The following SWI5 variants were observed in gnomAD, a reference collection of about 807,000 sequenced individuals.
The protein encoded by SWI5 is DNA repair protein SWI5 homolog.
SWI5 carries 12 observed loss-of-function variants against 17.0 expected under a neutral mutation model. That is an observed-to-expected ratio of 0.71 (90% confidence interval 0.45 to 1.14). The LOEUF is 1.14. SWI5 is among the 50% of genes most tolerant of loss of function. The probability of loss-of-function intolerance (pLI) is 0.00; values close to 1 mark genes in which losing one functional copy is unlikely to be tolerated. For synonymous variants in SWI5, 61 were observed against 64.0 expected, an observed-to-expected ratio of 0.95 and a Z score of 0.22; for missense variants, 158 against 162.2, an observed-to-expected ratio of 0.97 and a Z score of 0.14.
rs530533013 is a variant in SWI5 at position 128,280,718 on chromosome 9, C to T, written c.112-3792C>T. On this transcript the variant is annotated intron_variant, in intron 2 of 4. Coordinates refer to ENST00000418976, the Ensembl canonical transcript of SWI5. The stretch of plus-strand genomic sequence containing the variant: ...ATTTTTAGTAGAGACGGGGTTTCAC[C>T]ATGTTACCCAGGATGGTCTTGATCT... Among the ~76,000 whole-genome samples, 4 of 152,130 alleles carry T rather than the reference C, an allele frequency of 2.6e-5. No homozygotes were observed. The South Asian group carries it at 8.3e-4, about 32-fold the overall frequency.
intron 2 of SWI5, among the ~76,000 whole-genome samples, chr9:128,284,060 G>A (rs1179626147): frequency 6.6e-6 from 1 of 151,966 alleles, no homozygotes; most frequent in Non-Finnish European, 1.5e-5. Context: ...CACTTTGGGA[G>A]ACCGAGGTGG....
At chr9:128,278,442 C>G (rs981844348) in intron 2 of SWI5, among the ~76,000 whole-genome samples, 4 of 152,012 alleles carry the variant, frequency 2.6e-5, no homozygotes, top group African/African-American at 9.7e-5. Context: ...TGGTACATGC[C>G]TGTAATCCCA....
At chr9:128,287,398 A>G (rs926855795) in intron 4 of SWI5, among the ~76,000 whole-genome samples, 3 of 149,818 alleles carry the variant, frequency 2.0e-5, no homozygotes, top group African/African-American at 7.3e-5. Context: ...GGTTACGGTG[A>G]GCCGAGATCA....
chr9:128,275,453 C>A, upstream of SWI5: 4 of 1,298,068 alleles, frequency 3.1e-6, no homozygotes, highest in Non-Finnish European at 3.9e-6. Context: ...CTTGGAGACC[C>A]GAGACCAAAG....
intron 3 of SWI5, among the ~76,000 whole-genome samples, chr9:128,284,847 T>A (rs1831608269): frequency 6.6e-6 from 1 of 151,320 alleles, no homozygotes; most frequent in Non-Finnish European, 1.5e-5. Context: ...TCCCAGCTAC[T>A]TGGGAGGCTG....
chr9:128,276,060 G>A (rs1588498082), upstream of SWI5: 3 of 1,577,800 alleles, frequency 1.9e-6, no homozygotes, highest in East Asian at 2.3e-5. Context: ...TAACCAGGGC[G>A]ATACTGGAGC....
At position 128,276,360 on chromosome 9, in the gene SWI5, T is replaced by C. The variant is rs1041343182; in HGVS notation, c.20T>C (p.Leu7Ser). The C allele has an allele frequency of 1.9e-6, 3 of 1,613,282 alleles. No individual in the cohort carries two copies. In the South Asian group the frequency reaches 3.3e-5, roughly 18 times the overall value. Reference sequence around the variant, plus strand: ...CCCGCGCTGGACCCTCTTGCGCCATTGAACCCCCTGATCCGGGGGCCTCGG... The same window carrying C: ...CCCGCGCTGGACCCTCTTGCGCCATCGAACCCCCTGATCCGGGGGCCTCGG... Residue 7 changes from leucine to serine, a missense_variant, in exon 1 of 5, where the codon TTG (leucine) becomes TCG (serine). Physicochemically the swap from Leu to Ser is moderately radical, Grantham distance 145 (BLOSUM62 -2). Coordinates refer to ENST00000418976, the Ensembl canonical transcript of SWI5.
intron 2 of SWI5, among the ~76,000 whole-genome samples, chr9:128,282,634 G>T (rs562524453): frequency 4.7e-4 from 71 of 152,270 alleles, no homozygotes; most frequent in African/African-American, 1.7e-3. Flanking sequence ...TCATTGCTGC[G>T]CTCCTGGACC....
intron 2 of SWI5, 62 bp downstream of exon 2, chr9:128,276,817 C>G: frequency 6.6e-7 from 1 of 1,505,258 alleles, no homozygotes; most frequent in East Asian, 2.3e-5. Context: ...GCGCTCCCGG[C>G]CCCACTCCCC....
intron 1 of SWI5, 90 bp from the exon 2 acceptor site, chr9:128,276,617 C>T (rs1244679656): frequency 1.2e-6 from 2 of 1,612,248 alleles, no homozygotes; most frequent in Admixed American, 3.3e-5. Context: ...TCCTACTTCC[C>T]AACTGCTCCT....
At chr9:128,281,028 C>CTTTTTTTTTT (rs11306272) in intron 2 of SWI5, among the ~76,000 whole-genome samples, 2 of 43,758 alleles carry the variant, frequency 4.6e-5, no homozygotes, top group African/African-American at 7.4e-5. Context: ...TTCAACCATG[C>CTTTTTTTTTT]TTTTTTTTTT....
At chr9:128,287,070 G>A (rs528295368) in intron 4 of SWI5, among the ~76,000 whole-genome samples, 63 of 149,822 alleles carry the variant, frequency 4.2e-4, no homozygotes, top group African/African-American at 1.4e-3. Context: ...GAACCCGGGA[G>A]GCAGAGGTTG....
rs1366270491 is a variant in SWI5, at chr9:128,276,638, C to T, written c.63-69C>T. ...TTCCCAACTGCTCCTCCTCCCGCAT[C>T]CCCACAGTACCCCGTCCTCACAGCG... is the stretch of plus-strand genomic sequence containing the variant. On this transcript the variant is annotated intron_variant, in intron 1 of 4. Transcript: ENST00000418976. 6 of 1,613,516 alleles carry T rather than the reference C, an allele frequency of 3.7e-6. No homozygotes were observed. In the African/African-American group the frequency reaches 4.0e-5, roughly 11 times the overall value.
chr9:128,279,105 T>C (rs1225128889), intron 2 of SWI5, among the ~76,000 whole-genome samples: 5 of 152,100 alleles, frequency 3.3e-5, no homozygotes, highest in African/African-American at 9.7e-5. Context: ...TTGGGCTTGC[T>C]CCTCTCTGGG....
chr9:128,279,429 GGAAGGT>G (rs1831497359), intron 2 of SWI5, among the ~76,000 whole-genome samples: 1 of 152,190 alleles, frequency 6.6e-6, no homozygotes. Context: ...GGCAGGGTAA[GGAAGGT>G]GAGTCGTCCA....
exon 1 of SWI5, chr9:128,276,254 C>A (rs1272800691): frequency 6.2e-7 from 1 of 1,612,346 alleles, no homozygotes; most frequent in Non-Finnish European, 8.5e-7. Flanking sequence ...TCCTTGGGTG[C>A]GCGCGCAGCT....
At chr9:128,278,705 G>C (rs1318259034) in intron 2 of SWI5, 1 of 471,294 alleles carries the variant, frequency 2.1e-6, no homozygotes, top group East Asian at 6.9e-5. Context: ...GTTCCAGAGA[G>C]ATGAATATAG....
rs1429021946 is a variant in SWI5 at position 128,285,303 on chromosome 9, G to A, written c.234-636G>A. Among the ~76,000 whole-genome samples the A allele has an allele frequency of 4.0e-5, 6 of 151,714 alleles. No homozygotes were observed. Among genetic ancestry groups the A allele is most frequent in the Non-Finnish European group, 5.9e-5 (4 of 67,898 alleles). Reference sequence around the variant, plus strand: ...AAAGGAAGGAAGGAAGGAAAGGAAGGAAGGAAGAAAGAAAGGAAGGACTAT... The same window carrying A: ...AAAGGAAGGAAGGAAGGAAAGGAAGAAAGGAAGAAAGAAAGGAAGGACTAT... On this transcript the variant is annotated intron_variant, in intron 3 of 4. Coordinates refer to ENST00000418976, the Ensembl canonical transcript of SWI5. This position sits in a 1 kb window ranked among gnomAD's most constrained non-coding sequence, Gnocchi z 4.8.
intron 2 of SWI5, among the ~76,000 whole-genome samples, chr9:128,281,366 A>G (rs766491333): frequency 7.2e-5 from 11 of 151,728 alleles, no homozygotes; most frequent in South Asian, 2.1e-4. Flanking sequence ...AGATATTTTC[A>G]TTGTGAAACC....
Sources: allele counts gnomAD v4.1 joint callset (sites outside exome capture counted in the v4.1 genomes callset), GRCh38; gene constraint gnomAD v4.1.1; non-coding constraint Gnocchi (gnomAD v3.1); transcripts MANE v1.5; gene names NCBI Gene and HGNC (gene_info 2026-07-23, HGNC 2026-07-21).